ENPP1: variants seen among roughly 807,000 people sequenced by gnomAD.
The protein encoded by ENPP1 is ectonucleotide pyrophosphatase/phosphodiesterase family member 1.
Under a neutral mutation model 122.8 loss-of-function variants are expected in ENPP1, and 73 were observed. That is an observed-to-expected ratio of 0.59 (90% CI 0.49 to 0.72). The LOEUF (loss-of-function observed/expected upper bound fraction) is 0.72. Ranked by LOEUF, ENPP1 falls within the 30% of genes least tolerant of loss-of-function variation. ENPP1 has a pLI of 0.00. For synonymous variants in ENPP1, 367 were observed against 391.6 expected, an observed-to-expected ratio of 0.94 and a Z score of 0.74; for missense variants, 978 against 1,128.1, an observed-to-expected ratio of 0.87 and a Z score of 1.91.
intron 20 of ENPP1, among the ~76,000 whole-genome samples, chr6:131,882,031 T>TAATAAATA (rs10595693): frequency 1.2e-3 from 173 of 144,574 alleles, no homozygotes; most frequent in South Asian, 2.3e-3. Flanking sequence ...AAAATAATAA[T>TAATAAATA]AATAAATAAA....
Position 131,874,259 on chromosome 6 carries a change from C to T in ENPP1, c.1566-9C>T. ...CTTTACATTTTTAATTCATATATGT[C>T]AACATTAGGAATCCCTCAGAAAGGA... On this transcript the variant is annotated splice_polypyrimidine_tract_variant and intron_variant, in intron 15 of 24. Transcript: ENST00000647893. 1 of 1,508,572 alleles carries T rather than the reference C, an allele frequency of 6.6e-7. No individual in the cohort carries two copies. The highest frequency in any genetic ancestry group is 9.2e-7 in the Non-Finnish European group (1 of 1,085,576). 93.4% of individuals were successfully genotyped at this position (1,508,572 alleles called of 1,614,324 possible).
chr6:131,839,650 C>G (rs1781716746), intron 1 of ENPP1, among the ~76,000 whole-genome samples: 1 of 152,072 alleles, frequency 6.6e-6, no homozygotes, highest in Non-Finnish European at 1.5e-5. Context: ...AAGAAGATGA[C>G]AAAATAACTT....
chr6:131,868,225 T>C (rs1192918646), intron 12 of ENPP1, 99 bp downstream of exon 12: 6 of 868,742 alleles, frequency 6.9e-6, no homozygotes, highest in Non-Finnish European at 1.1e-5. Context: ...GTTAATTCTT[T>C]TTTAAAAATG....
At chr6:131,869,083 A>T (rs1782125564) in intron 12 of ENPP1, among the ~76,000 whole-genome samples, 1 of 152,198 alleles carries the variant, frequency 6.6e-6, no homozygotes, top group African/African-American at 2.4e-5. Context: ...TCGGTCTAAA[A>T]ATGTGATAAG....
intron 1 of ENPP1, among the ~76,000 whole-genome samples, chr6:131,824,610 A>C (rs966462738): frequency 6.6e-6 from 1 of 152,090 alleles, no homozygotes; most frequent in Non-Finnish European, 1.5e-5. Flanking sequence ...GCTCGTCACC[A>C]TGCCCAGCTA....
At chr6:131,862,599 T>C (rs1300981005) in intron 9 of ENPP1, among the ~76,000 whole-genome samples, 2 of 152,048 alleles carry the variant, frequency 1.3e-5, no homozygotes, top group Non-Finnish European at 2.9e-5. Flanking sequence ...GGGATGGAAT[T>C]ATAGGGGATC....
At chr6:131,851,085 A>G (rs1585815550) in intron 3 of ENPP1, 57 bp from the exon 4 acceptor site, 1 of 1,596,174 alleles carries the variant, frequency 6.3e-7, no homozygotes, top group East Asian at 2.2e-5. Flanking sequence ...TTCTGTGTTC[A>G]CTTTGGACAT....
intron 1 of ENPP1, among the ~76,000 whole-genome samples, chr6:131,843,485 G>T (rs1250129980): frequency 6.6e-6 from 1 of 152,144 alleles, no homozygotes; most frequent in African/African-American, 2.4e-5. Context: ...CCATTTAAAT[G>T]CTTGCTTACC....
In ENPP1 at chr6:131,868,005, T is replaced by G; in HGVS notation, c.1165-13T>G. Reference sequence around the variant, plus strand: ...GGAAGGTATCACATGAGGTTGTTGCTTCCCATTCTTAGGTCATCAAAGCCT... The same window carrying G: ...GGAAGGTATCACATGAGGTTGTTGCGTCCCATTCTTAGGTCATCAAAGCCT... On this transcript the variant is annotated splice_polypyrimidine_tract_variant and intron_variant, in intron 11 of 24. Transcript: ENST00000647893. The G allele has an allele frequency of 4.4e-6, 7 of 1,581,576 alleles. No homozygotes were observed. Among genetic ancestry groups the G allele is most frequent in the Non-Finnish European group, 6.1e-6 (7 of 1,150,538 alleles).
chr6:131,879,823 C>A, intron 19 of ENPP1, 57 bp from the exon 20 acceptor site: 1 of 1,463,060 alleles, frequency 6.8e-7, no homozygotes. Context: ...GTGTATCACA[C>A]TATATATTAT....
chr6:131,817,277 T>G (rs1455481548), intron 1 of ENPP1, among the ~76,000 whole-genome samples: 2 of 152,226 alleles, frequency 1.3e-5, no homozygotes, highest in African/African-American at 2.4e-5. Flanking sequence ...GCTGTTGGGT[T>G]TCCAACTCTC....
chr6:131,834,920 G>A (rs907527738), intron 1 of ENPP1, among the ~76,000 whole-genome samples: 22 of 152,194 alleles, frequency 1.4e-4, no homozygotes, highest in African/African-American at 5.1e-4. Flanking sequence ...TTCAAATAAA[G>A]GTATGATTAG....
intron 6 of ENPP1, among the ~76,000 whole-genome samples, chr6:131,857,044 G>A (rs1451519775): frequency 6.6e-6 from 1 of 152,114 alleles, no homozygotes. Flanking sequence ...TTGGTAGCTT[G>A]ATGGGGATGG....
At chr6:131,827,470 A>G (rs1781559488) in intron 1 of ENPP1, 2 of 646,860 alleles carry the variant, frequency 3.1e-6, no homozygotes, top group Admixed American at 4.7e-5. Flanking sequence ...ATGGTATAAA[A>G]TGAAGCCAGA....
intron 12 of ENPP1, among the ~76,000 whole-genome samples, chr6:131,868,774 G>A (rs1024722381): frequency 2.6e-5 from 4 of 152,176 alleles, no homozygotes; most frequent in Admixed American, 2.6e-4. Context: ...TCTGACTTTA[G>A]AAGCATGATA....
rs1347323658 is a variant in ENPP1 at position 131,873,032 on chromosome 6, C to T, written c.1547C>T (p.Pro516Leu). Reference sequence around the variant, plus strand: ...GAGCCCTTGACATTCTATTTGGACCCTCAGTGGCAACTTGCATTGTAAGTT... The same window carrying T: ...GAGCCCTTGACATTCTATTTGGACCTTCAGTGGCAACTTGCATTGTAAGTT... ...RIEPLTFYLD[P>L]QWQLALNPSE... The change falls in exon 15 of 25, where the codon CCT becomes CTT. Residue 516 changes from proline to leucine, a missense_variant. Pro to Leu is a moderately conservative substitution (Grantham distance 98, BLOSUM62 -3). This residue lies in a region of ENPP1 where 644 missense variants were observed against 781.5 expected (regional missense o/e 0.82). Coordinates refer to ENST00000647893, the MANE Select transcript of ENPP1 (RefSeq NM_006208.3). The T allele has an allele frequency of 8.7e-6, 14 of 1,613,806 alleles. No individual in the cohort carries two copies. The highest frequency in any genetic ancestry group is 1.7e-5 in the Admixed American group (1 of 59,998).
At chr6:131,815,482 T>G (rs1781402202) in intron 1 of ENPP1, among the ~76,000 whole-genome samples, 1 of 152,230 alleles carries the variant, frequency 6.6e-6, no homozygotes, top group Non-Finnish European at 1.5e-5. Flanking sequence ...TTCTCAGGGA[T>G]ACGTAGCTAC....
At chr6:131,839,716 A>G (rs1781717553) in intron 1 of ENPP1, among the ~76,000 whole-genome samples, 1 of 152,146 alleles carries the variant, frequency 6.6e-6, no homozygotes, top group African/African-American at 2.4e-5. Flanking sequence ...GGACCATATT[A>G]CCCATTCTGT....
At chr6:131,883,803 A>T in intron 22 of ENPP1, 29 bp downstream of exon 22, 2 of 1,119,556 alleles carry the variant, frequency 1.8e-6, no homozygotes, top group Non-Finnish European at 2.7e-6. Context: ...ATATTTGATA[A>T]TTTTAATGAA....
Sources: gnomAD v4.1 joint callset for allele counts (sites outside exome capture counted in the v4.1 genomes callset) on GRCh38, gnomAD v4.1.1 for gene constraint, gnomAD v4.1.1 regional missense constraint, MANE v1.5 for transcripts, NCBI Gene and HGNC (gene_info 2026-07-23, HGNC 2026-07-21) for gene names.